The following FRYL variants were observed in gnomAD, a reference collection of about 807,000 sequenced individuals.
FRYL encodes the protein protein furry homolog-like.
Under a neutral mutation model 351.2 loss-of-function variants are expected in FRYL, and 150 were observed. The observed-to-expected ratio is 0.43, with a 90% CI of 0.37 to 0.49. The LOEUF (loss-of-function observed/expected upper bound fraction) is 0.49. Ranked by LOEUF, FRYL falls within the 20% of genes least tolerant of loss-of-function variation. FRYL has a pLI of 0.00. For synonymous variants in FRYL, 1,153 were observed against 1,257.1 expected (o/e 0.92, Z 1.75); for missense variants, 3,036 against 3,619.3 (o/e 0.84, Z 4.13).
intron 15 of FRYL, among the ~76,000 whole-genome samples, chr4:48,595,076 C>T (rs1744325380): frequency 6.6e-6 from 1 of 152,164 alleles, no homozygotes; most frequent in Admixed American, 6.5e-5. Context: ...CTGGTGAGGA[C>T]CGTAGCAGAT....
At chr4:48,638,319 T>G (rs1463880196) in intron 3 of FRYL, 1 of 152,096 alleles carries the variant, frequency 6.6e-6, no homozygotes, top group African/African-American at 2.4e-5. Flanking sequence ...AATAAAAATT[T>G]TGATGATTAC....
chr4:48,717,285 C>A (rs1377611664), intron 1 of FRYL, among the ~76,000 whole-genome samples: 39 of 150,526 alleles, frequency 2.6e-4, no homozygotes, highest in African/African-American at 7.8e-4. Flanking sequence ...TAAAAAAAAA[C>A]AAAAAAACAT....
At chr4:48,778,135 TTGTG>T (rs1776222397) in intron 1 of FRYL, among the ~76,000 whole-genome samples, 2 of 152,232 alleles carry the variant, frequency 1.3e-5, no homozygotes, top group South Asian at 4.1e-4. Context: ...GAATTTGTTT[TTGTG>T]TGTCTTTATT....
chr4:48,627,746 TA>T (rs1440153223), intron 4 of FRYL, among the ~76,000 whole-genome samples: 2 of 152,312 alleles, frequency 1.3e-5, no homozygotes, highest in Non-Finnish European at 2.9e-5. Flanking sequence ...GAGGATGCCC[TA>T]ATGCTTGCTC....
rs1163128400 is a variant in FRYL at position 48,564,000 on chromosome 4, C to T, written c.3544G>A (p.Gly1182Arg). Residue 1182 changes from glycine to arginine, a missense_variant, in exon 31 of 64, where the codon GGG becomes AGG. Gly to Arg is a moderately radical substitution (Grantham distance 125). This residue lies in a region of FRYL where 1,987 missense variants were observed against 2,311.7 expected (regional missense o/e 0.86). Coordinates refer to ENST00000358350, the MANE Select transcript of FRYL (RefSeq NM_015030.2). ...WAVDRCYTGS[G>R]RVAAGCFKAI... ...TTAAAGCAGCCGGCCGCCACCCTCC[C>T]GGAGCCCGTGTAGCAGCGGTCCACA... 9.9e-6 allele frequency: 16 copies of T among 1,614,148 alleles called. No homozygotes were observed. Among genetic ancestry groups the T allele is most frequent in the South Asian group, 3.3e-5 (3 of 91,082 alleles).
intron 42 of FRYL, 92 bp from the exon 43 acceptor site, chr4:48,544,996 G>T: frequency 1.5e-6 from 2 of 1,312,232 alleles, no homozygotes; most frequent in Non-Finnish European, 2.1e-6. Flanking sequence ...TTTACAATTA[G>T]AAAGGATGGT....
At chr4:48,598,041 A>C (rs1240148958) in intron 13 of FRYL, among the ~76,000 whole-genome samples, 1 of 152,210 alleles carries the variant, frequency 6.6e-6, no homozygotes, top group Non-Finnish European at 1.5e-5. Context: ...CTTTGGCAAC[A>C]ATCATTTTAA....
chr4:48,703,653 T>C (rs955723729), intron 2 of FRYL, among the ~76,000 whole-genome samples: 10 of 152,330 alleles, frequency 6.6e-5, no homozygotes, highest in Middle Eastern at 3.4e-3. Flanking sequence ...AGTGTCATTT[T>C]CTCAAAGAGG....
intron 1 of FRYL, among the ~76,000 whole-genome samples, chr4:48,732,916 A>G (rs1044509550): frequency 7.5e-5 from 9 of 119,426 alleles, no homozygotes; most frequent in African/African-American, 2.9e-4. Context: ...CCAGAATTTG[A>G]AGTATAACAA....
At chr4:48,722,144 C>T (rs142705559) in intron 1 of FRYL, among the ~76,000 whole-genome samples, 71 of 152,186 alleles carry the variant, frequency 4.7e-4, no homozygotes, top group African/African-American at 1.5e-3. Flanking sequence ...AAACTTTACC[C>T]GAGGAATTGT....
intron 3 of FRYL, 111 bp from the exon 4 acceptor site, chr4:48,634,601 C>A: frequency 1.5e-6 from 1 of 668,698 alleles, no homozygotes; most frequent in Non-Finnish European, 2.5e-6. Flanking sequence ...CCAGTTCTCC[C>A]AATCTCCTCT....
intron 31 of FRYL, 46 bp from the exon 32 acceptor site, chr4:48,563,034 C>A (rs1735863146): frequency 8.7e-7 from 1 of 1,155,688 alleles, no homozygotes. Context: ...TGTTTAGAGG[C>A]TTTTGCACCA....
intron 59 of FRYL, among the ~76,000 whole-genome samples, chr4:48,509,176 C>T (rs1721954324): frequency 6.6e-6 from 1 of 152,146 alleles, no homozygotes; most frequent in Admixed American, 6.5e-5. Flanking sequence ...AGCAAAACTG[C>T]TAGCTACAGA....
At position 48,565,684 on chromosome 4, in the gene FRYL, C is replaced by T; in HGVS notation, c.3177G>A (p.Gln1059=). ...TCTGTTGAGGAAAAATACTTCTTCT[C>T]TGGTGCACTGTGAATAAAAAAAGAT... ...ANIIQNVPVH[Q]RRSIFPQQSL... Residue 1059 remains glutamine, a synonymous_variant, in exon 29 of 64, where the codon CAG becomes CAA. Transcript: ENST00000358350. The T allele has an allele frequency of 6.2e-7, 1 of 1,605,398 alleles. No individual in the cohort carries two copies. Among genetic ancestry groups the T allele is most frequent in the Non-Finnish European group, 8.5e-7 (1 of 1,177,960 alleles).
chr4:48,592,082 T>TAA lies in FRYL; in HGVS notation c.1336-1253_1336-1252insTT, dbSNP rs888017807. Among the ~76,000 whole-genome samples the TAA allele has an allele frequency of 4.3e-4, 50 of 116,202 alleles. 1 individual carries two copies. Among genetic ancestry groups the TAA allele is most frequent in the African/African-American group, 1.7e-3 (37 of 22,240 alleles). The allele number at this position is 116,202 out of a possible 152,430, so 76.2% of individuals were successfully genotyped here. A position where few individuals can be genotyped will look rare whatever the true frequency, so the allele number is the denominator to read the frequency against. ...GGAATACGGGAAGAAAATAAAGCTC[T>TAA]TATATATATATATATATATATATAT... On this transcript the variant is annotated intron_variant, in intron 16 of 63. Transcript: ENST00000358350.
At chr4:48,681,062 T>C in intron 3 of FRYL, 1 of 1,283,272 alleles carries the variant, frequency 7.8e-7, no homozygotes, top group South Asian at 1.3e-5. Flanking sequence ...CTTTCCTCAG[T>C]ACTAGTATCC....
intron 50 of FRYL, among the ~76,000 whole-genome samples, chr4:48,530,882 T>C (rs554014345): frequency 2.6e-5 from 4 of 152,302 alleles, no homozygotes; most frequent in South Asian, 2.1e-4. Flanking sequence ...CAGCCGAGTG[T>C]TGATTACTAT....
Position 48,586,727 on chromosome 4 carries a change from C to G in FRYL, c.1642G>C (p.Gly548Arg), listed in dbSNP as rs1272552529. The G allele has an allele frequency of 3.5e-5, 56 of 1,581,278 alleles. No homozygotes were observed. The highest frequency in any genetic ancestry group is 8.6e-5 in the Admixed American group (5 of 57,944). ...AAATCAATCTTGGGTTTTCTTTCCC[C>G]CCTGAAAAATACAACAGGATTTAAT... ...SNKEPEDMITGERKPKIDLFR... is the reference protein window; with the variant it reads ...SNKEPEDMITRERKPKIDLFR... Residue 548 changes from glycine (G) to arginine (R), a missense_variant and splice_region_variant, in exon 19 of 64, where the codon GGG becomes CGG. This residue lies in a region of FRYL where 78 missense variants were observed against 106.6 expected (regional missense o/e 0.73). Transcript: ENST00000358350.
chr4:48,678,564 ATTGG>A, intron 3 of FRYL, among the ~76,000 whole-genome samples: 2 of 151,304 alleles, frequency 1.3e-5, no homozygotes, highest in Non-Finnish European at 1.5e-5. Flanking sequence ...GTACAAGTAC[ATTGG>A]AAGAGCCAGA....
Sources: gnomAD v4.1 joint callset for allele counts (sites outside exome capture counted in the v4.1 genomes callset) on GRCh38, gnomAD v4.1.1 for gene constraint, gnomAD v4.1.1 regional missense constraint, MANE v1.5 for transcripts, NCBI Gene and HGNC (gene_info 2026-07-23, HGNC 2026-07-21) for gene names.